The following MOXD1 variants were observed in gnomAD, a reference collection of about 807,000 sequenced individuals.
MOXD1 encodes DBH-like monooxygenase protein 1.
A neutral mutation model predicts 66.6 loss-of-function variants in MOXD1; 62 were observed. The ratio of observed to expected loss-of-function variants is 0.93; its 90% CI spans 0.76 to 1.15. MOXD1 has a LOEUF of 1.15. MOXD1 is among the 50% of genes most tolerant of loss of function. MOXD1 has a pLI of 0.00. For missense variants in MOXD1, 847 were observed against 754.6 expected, an observed-to-expected ratio of 1.12 and a Z score of -1.44; for synonymous variants, 303 against 281.9, an observed-to-expected ratio of 1.07 and a Z score of -0.75.
chr6:132,372,113 C>T (rs1459243253), intron 4 of MOXD1, among the ~76,000 whole-genome samples: 1 of 152,134 alleles, frequency 6.6e-6, no homozygotes, highest in Non-Finnish European at 1.5e-5. Context: ...TTATTTACTA[C>T]CCAATTCTGT....
intron 4 of MOXD1, among the ~76,000 whole-genome samples, chr6:132,344,196 A>G (rs543359646): frequency 6.6e-6 from 1 of 152,348 alleles, no homozygotes; most frequent in African/African-American, 2.4e-5. Context: ...ACAGTAAGCA[A>G]ATATTAATTT....
Position 132,340,638 on chromosome 6 carries a change from A to ATTTTTTTTTT in MOXD1, c.664-12054_664-12045dup, listed in dbSNP as rs869205496. On this transcript the variant is annotated intron_variant, in intron 4 of 11. Transcript: ENST00000367963. ...ACAACATGCTAAAACAACAAGACTC[A>ATTTTTTTTTT]TTTTTTTTTTTTTTTTTTTTTTTTT... 1.1e-4 allele frequency among the ~76,000 whole-genome samples: 11 copies of ATTTTTTTTTT among 98,782 alleles called. 1 individual carries two copies. Among genetic ancestry groups the ATTTTTTTTTT allele is most frequent in the African/African-American group, 2.2e-4 (5 of 22,560 alleles). The allele number at this position is 98,782 out of a possible 152,430, so 64.8% of individuals were successfully genotyped here.
intron 8 of MOXD1, among the ~76,000 whole-genome samples, chr6:132,321,488 G>GT (rs1360669457): frequency 6.6e-6 from 1 of 152,034 alleles, no homozygotes; most frequent in Non-Finnish European, 1.5e-5. Context: ...TTGTTCTAGT[G>GT]TTTTCCATCC....
rs562640492 is a variant in MOXD1 at position 132,376,668 on chromosome 6, T to G, written c.265-1891A>C. On this transcript the variant is annotated intron_variant, in intron 1 of 11. Coordinates refer to ENST00000367963, the MANE Select transcript of MOXD1 (RefSeq NM_015529.4). ...AGCTGGGACTACAGGCGCCCGCCAC[T>G]ACGCCCGGCTAATTTTTTGTATTTT... is the stretch of plus-strand genomic sequence containing the variant. Among the ~76,000 whole-genome samples, 314 of 98,470 alleles carry G rather than the reference T, an allele frequency of 3.2e-3. 61 individuals carry two copies. In the South Asian group the frequency reaches 0.045, roughly 14 times the overall value. 64.6% of individuals were successfully genotyped at this position (98,470 alleles called of 152,430 possible). A position where few individuals can be genotyped will look rare whatever the true frequency, so the allele number is the denominator to read the frequency against.
intron 4 of MOXD1, among the ~76,000 whole-genome samples, chr6:132,335,082 A>G (rs1775409633): frequency 1.3e-5 from 2 of 152,122 alleles, no homozygotes. Context: ...CCCTTCAGTG[A>G]CTGAAAGAAT....
intron 6 of MOXD1, among the ~76,000 whole-genome samples, chr6:132,327,764 T>C (rs904944512): frequency 5.9e-5 from 9 of 151,724 alleles, no homozygotes; most frequent in African/African-American, 2.2e-4. Flanking sequence ...CATGCAAGTG[T>C]TTTTTTTGTA....
intron 1 of MOXD1, among the ~76,000 whole-genome samples, chr6:132,398,627 C>G (rs1446453464): frequency 1.2e-4 from 19 of 152,122 alleles, no homozygotes; most frequent in Admixed American, 1.2e-3. Flanking sequence ...CTAATAGAAT[C>G]AAATATGCTA....
chr6:132,401,080 G>A, intron 1 of MOXD1, 83 bp downstream of exon 1: 1 of 1,371,210 alleles, frequency 7.3e-7, no homozygotes, highest in South Asian at 1.6e-5. Flanking sequence ...GCGGGCCCCG[G>A]GGACGACCCG....
chr6:132,372,973 C>T lies in MOXD1; in HGVS notation c.436G>A (p.Ala146Thr). The stretch of plus-strand genomic sequence containing the variant: ...TCTCCTGCATCTTCATGGTGGTAGG[C>T]CCAGATCACTCTCACAGTGCTATCC... ...ITDSTVRVIW[A>T]YHHEDAGEAG... The change falls in exon 3 of 12, where the codon GCC becomes ACC. Residue 146 changes from alanine to threonine, a missense_variant. Transcript: ENST00000367963. 2 of 1,613,668 alleles carry T rather than the reference C, an allele frequency of 1.2e-6. No homozygotes were observed. The highest frequency in any genetic ancestry group is 1.7e-6 in the Non-Finnish European group (2 of 1,179,764).
intron 10 of MOXD1, among the ~76,000 whole-genome samples, chr6:132,300,601 A>C (rs1484740871): frequency 6.6e-6 from 1 of 152,202 alleles, no homozygotes; most frequent in Non-Finnish European, 1.5e-5. Flanking sequence ...GAATAGTGTG[A>C]CCATTATACA....
intron 1 of MOXD1, among the ~76,000 whole-genome samples, chr6:132,392,952 C>T (rs1776798068): frequency 6.6e-6 from 1 of 152,208 alleles, no homozygotes; most frequent in Non-Finnish European, 1.5e-5. Context: ...GATTTCTTAA[C>T]TCCACAGGTC....
intron 4 of MOXD1, among the ~76,000 whole-genome samples, chr6:132,360,139 A>T (rs901441100): frequency 6.6e-6 from 1 of 152,230 alleles, no homozygotes; most frequent in Non-Finnish European, 1.5e-5. Flanking sequence ...GTAATACTTC[A>T]GAATGTTAAT....
chr6:132,318,364 T>G (rs1428605801), intron 9 of MOXD1, among the ~76,000 whole-genome samples: 1 of 152,078 alleles, frequency 6.6e-6, no homozygotes, highest in Admixed American at 6.6e-5. Context: ...GGAAATGCTA[T>G]TTAAAATTTT....
intron 2 of MOXD1, 38 bp from the exon 3 acceptor site, chr6:132,373,035 A>G (rs776907558): frequency 1.3e-6 from 2 of 1,552,586 alleles, no homozygotes; most frequent in Admixed American, 1.9e-5. Flanking sequence ...GTCTCATGAG[A>G]GCACTTTCCT....
At chr6:132,395,579 A>G (rs1484781877) in intron 1 of MOXD1, among the ~76,000 whole-genome samples, 8 of 152,184 alleles carry the variant, frequency 5.3e-5, no homozygotes, top group Non-Finnish European at 1.2e-4. Context: ...TTAAAAATAC[A>G]GACTGGCTGA....
intron 9 of MOXD1, among the ~76,000 whole-genome samples, chr6:132,317,584 A>G (rs1268667126): frequency 6.6e-6 from 1 of 152,146 alleles, no homozygotes. Flanking sequence ...CTATCATATT[A>G]TCATCTGACA....
chr6:132,323,822 G>T, intron 7 of MOXD1, 109 bp downstream of exon 7: 1 of 1,237,744 alleles, frequency 8.1e-7, no homozygotes, highest in Non-Finnish European at 1.1e-6. Context: ...TTCACAGTGT[G>T]TCAACAAGAA....
At chr6:132,342,088 C>G (rs1412534889) in intron 4 of MOXD1, among the ~76,000 whole-genome samples, 1 of 151,074 alleles carries the variant, frequency 6.6e-6, no homozygotes, top group Non-Finnish European at 1.5e-5. Context: ...CTGCAAACTC[C>G]ACCTCCCGGA....
rs1455927765 is a variant in MOXD1 at position 132,401,224 on chromosome 6, C to T, written c.203G>A (p.Gly68Glu). 2 of 1,577,088 alleles carry T rather than the reference C, an allele frequency of 1.3e-6. No homozygotes were observed. The highest frequency in any genetic ancestry group is 1.7e-6 in the Non-Finnish European group (2 of 1,169,810). ...GACGATGTCGGCGGACGCCATGGCC[C>T]CGGTGGGCGAGAAGCCGAAGCCCAC... Reference protein sequence around the residue: ...GYVGFGFSPTGAMASADIVVG... With the variant: ...GYVGFGFSPTEAMASADIVVG... Residue 68 changes from glycine to glutamate, a missense_variant, in exon 1 of 12, where the codon GGG becomes GAG. Gly to Glu is a moderately conservative substitution (Grantham distance 98, BLOSUM62 -2). Transcript: ENST00000367963.
Sources: gnomAD v4.1 joint callset for allele counts (sites outside exome capture counted in the v4.1 genomes callset) on GRCh38, gnomAD v4.1.1 for gene constraint, MANE v1.5 for transcripts, NCBI Gene and HGNC (gene_info 2026-07-23, HGNC 2026-07-21) for gene names.